The following RBM5 variants were observed in gnomAD, a reference collection of about 807,000 sequenced individuals.
RBM5 encodes RNA-binding protein 5.
A neutral mutation model predicts 124.6 loss-of-function variants in RBM5; 15 were observed. The observed-to-expected ratio is 0.12, with a 90% confidence interval of 0.08 to 0.19. The LOEUF is 0.19. Among genes scored for constraint, RBM5 ranks in the 10% least tolerant of loss-of-function variants. The probability of loss-of-function intolerance (pLI) is 1.00; values close to 1 mark genes in which losing one functional copy is unlikely to be tolerated. For missense variants in RBM5, 580 were observed against 1,026.5 expected (o/e 0.57, Z 5.94); for synonymous variants, 337 against 361.2 (o/e 0.93, Z 0.76).
chr3:50,111,574 C>T (rs2109013938), intron 17 of RBM5, among the ~76,000 whole-genome samples: 1 of 152,198 alleles, frequency 6.6e-6, no homozygotes. Flanking sequence ...AGGGTTTCAC[C>T]TTGTTTGCCA....
At position 50,105,074 on chromosome 3, in the gene RBM5, T is replaced by C. The variant is rs754142342; in HGVS notation, c.629-3T>C. The C allele has an allele frequency of 5.7e-6, 9 of 1,573,416 alleles. No individual in the cohort carries two copies. Among genetic ancestry groups the C allele is most frequent in the Non-Finnish European group, 7.0e-6 (8 of 1,143,938 alleles). ...TCTCTAATTGGATCACTTTCCCTTC[T>C]AGACTCTGAACAGGAAGTGCCTCCT... On this transcript the variant is annotated splice_polypyrimidine_tract_variant and splice_region_variant and intron_variant, in intron 8 of 24. Coordinates refer to ENST00000347869, the MANE Select transcript of RBM5 (RefSeq NM_005778.4).
At chr3:50,118,076 C>T (rs2091290696) in intron 24 of RBM5, 1 of 524,608 alleles carries the variant, frequency 1.9e-6, no homozygotes, top group Admixed American at 3.2e-5. Flanking sequence ...GGGGCCCTTT[C>T]CTAGGCGTGG....
intron 20 of RBM5, 51 bp from the exon 21 acceptor site, chr3:50,115,377 G>A (rs1463695451): frequency 2.5e-6 from 4 of 1,584,076 alleles, no homozygotes; most frequent in South Asian, 2.3e-5. Context: ...CATAGCCACC[G>A]CCATCTTCCT....
chr3:50,092,237 C>CA, intron 3 of RBM5, 29 bp downstream of exon 3: 1 of 1,604,228 alleles, frequency 6.2e-7, no homozygotes, highest in Non-Finnish European at 8.5e-7. Context: ...TATAACCCCC[C>CA]AAAACACTCT....
chr3:50,108,417 T>C (rs2091079464), intron 14 of RBM5, 113 bp downstream of exon 14: 5 of 1,112,800 alleles, frequency 4.5e-6, no homozygotes, highest in Non-Finnish European at 6.7e-6. Context: ...TGTAAGATTG[T>C]AGGGGGCATG....
At position 50,094,895 on chromosome 3, in the gene RBM5, C is replaced by T. The variant is rs555333642; in HGVS notation, c.339+1020C>T. Among the ~76,000 whole-genome samples, 55 of 152,204 alleles carry T rather than the reference C, an allele frequency of 3.6e-4. 1 individual carries two copies. Among genetic ancestry groups the T allele is most frequent in the Admixed American group, 3.3e-3 (50 of 15,262 alleles). On this transcript the variant is annotated intron_variant, in intron 4 of 24. Transcript: ENST00000347869. The stretch of plus-strand genomic sequence containing the variant: ...AGGGAAAAGTTCACTGAACTAGGTT[C>T]AGAAGTAAGTTACCATTTTGGCCAG...
chr3:50,113,359 T>A, intron 17 of RBM5, 24 bp from the exon 18 acceptor site: 1 of 1,590,320 alleles, frequency 6.3e-7, no homozygotes. Flanking sequence ...CTGCATTAAT[T>A]GTTTTTTGTT....
At chr3:50,103,357 G>A (rs1185852807) in intron 7 of RBM5, among the ~76,000 whole-genome samples, 191 bp downstream of exon 7, 2 of 152,188 alleles carry the variant, frequency 1.3e-5, no homozygotes, top group African/African-American at 4.8e-5. Flanking sequence ...TTATTAAGAT[G>A]CACGTTCTGC....
chr3:50,102,896 C>G, intron 6 of RBM5, 187 bp from the exon 7 acceptor site: 1 of 581,486 alleles, frequency 1.7e-6, no homozygotes, highest in Non-Finnish European at 3.1e-6. Flanking sequence ...ACCTTTACTC[C>G]GCATCCCATT....
In RBM5 at chr3:50,106,118, A is replaced by ATTTTTTT. The variant is rs61297967; in HGVS notation, c.855+437_855+443dup. On this transcript the variant is annotated intron_variant, in intron 10 of 24. Coordinates refer to ENST00000347869, the MANE Select transcript of RBM5 (RefSeq NM_005778.4). ...CAGGTGCCCGCCACCACGCCCAGCT[A>ATTTTTTT]TTTTTTTTTTTTTTTTTTTTTTTTT... is the stretch of plus-strand genomic sequence containing the variant. Among the ~76,000 whole-genome samples, 20 of 32,758 alleles carry ATTTTTTT rather than the reference A, an allele frequency of 6.1e-4. 1 individual carries two copies. The highest frequency in any genetic ancestry group is 1.2e-3 in the East Asian group (1 of 810). 21.5% of individuals were successfully genotyped at this position (32,758 alleles called of 152,430 possible).
At chr3:50,107,223 G>A (rs1225105391) in intron 11 of RBM5, 13 of 600,406 alleles carry the variant, frequency 2.2e-5, no homozygotes, top group African/African-American at 3.7e-5. Flanking sequence ...ACTCTAACAC[G>A]GTAAATTTCC....
intron 4 of RBM5, among the ~76,000 whole-genome samples, chr3:50,095,143 A>G (rs896655150): frequency 8.5e-5 from 13 of 152,122 alleles, no homozygotes; most frequent in Non-Finnish European, 1.8e-4. Context: ...GGAGTTTACA[A>G]TGAGCCAAGA....
At position 50,117,053 on chromosome 3, in the gene RBM5, A is replaced by G. The variant is rs2091266859; in HGVS notation, c.2095-21A>G. On this transcript the variant is annotated intron_variant, in intron 22 of 24. Coordinates refer to ENST00000347869, the MANE Select transcript of RBM5 (RefSeq NM_005778.4). The surrounding 1 kb of genome is among the most constrained non-coding windows in gnomAD (Gnocchi z 4.2). Reference sequence around the variant, plus strand: ...GTTGAAGTCTGTGAACATTTCCAGCAGTGTTTTTTCTCCCATGTAGATGAA... The same window carrying G: ...GTTGAAGTCTGTGAACATTTCCAGCGGTGTTTTTTCTCCCATGTAGATGAA... 9.4e-6 allele frequency: 15 copies of G among 1,600,586 alleles called. No homozygotes were observed. Among genetic ancestry groups the G allele is most frequent in the Non-Finnish European group, 1.3e-5 (15 of 1,167,850 alleles).
At position 50,104,324 on chromosome 3, in the gene RBM5, G is replaced by A; in HGVS notation, c.628+16G>A. On this transcript the variant is annotated intron_variant, in intron 8 of 24. Coordinates refer to ENST00000347869, the MANE Select transcript of RBM5 (RefSeq NM_005778.4). ...GACAAGTTTGGTAAGACTGGATTCA[G>A]CTGTTTGCAATATGCATTAAAACCT... The A allele has an allele frequency of 6.2e-7, 1 of 1,612,650 alleles. No individual in the cohort carries two copies. The highest frequency in any genetic ancestry group is 8.5e-7 in the Non-Finnish European group (1 of 1,178,686).
chr3:50,107,165 C>A, intron 11 of RBM5: 1 of 650,340 alleles, frequency 1.5e-6, no homozygotes, highest in Non-Finnish European at 2.8e-6. Context: ...AGAAATAACC[C>A]ATTCCTTCCA....
rs752032264 is a variant in RBM5 at position 50,108,268 on chromosome 3, G to A, written c.1156G>A (p.Ala386Thr). 1.2e-6 allele frequency: 2 copies of A among 1,613,544 alleles called. No individual in the cohort carries two copies. The highest frequency in any genetic ancestry group is 1.7e-5 in the Admixed American group (1 of 60,008). ...QDYQQFYQQQ[A>T]GGLESDASSA... ...TTATCAGCAGTTTTATCAACAACAA[G>A]CTGGAGGATTGGAATCTGATGCATC... is the stretch of plus-strand genomic sequence containing the variant. The change falls in exon 14 of 25, where the codon GCT becomes ACT. Residue 386 changes from alanine to threonine, a missense_variant. Physicochemically the swap from Ala to Thr is moderately conservative, Grantham distance 58 (BLOSUM62 0). Coordinates refer to ENST00000347869, the MANE Select transcript of RBM5 (RefSeq NM_005778.4).
rs767272700 is a variant in RBM5, at chr3:50,117,429, C to T, written c.2322+50C>T. ...TGTTTGCCAGGCTTACAGGCCGGTT[C>T]CAGAGATGAGATCAGAGCACTCATA... On this transcript the variant is annotated intron_variant, in intron 24 of 24. Coordinates refer to ENST00000347869, the MANE Select transcript of RBM5 (RefSeq NM_005778.4). The surrounding 1 kb of genome is among the most constrained non-coding windows in gnomAD (Gnocchi z 4.2). 1 of 1,607,624 alleles carries T rather than the reference C, an allele frequency of 6.2e-7. No individual in the cohort carries two copies.
chr3:50,118,206 C>T, intron 24 of RBM5, 125 bp from the exon 25 acceptor site: 1 of 1,309,564 alleles, frequency 7.6e-7, no homozygotes. Flanking sequence ...AAATCCTTGT[C>T]TTCATATACA....
rs1354400739 is a variant in RBM5, at chr3:50,109,706, T to C, written c.1278+18T>C. On this transcript the variant is annotated intron_variant, in intron 15 of 24. Coordinates refer to ENST00000347869, the MANE Select transcript of RBM5 (RefSeq NM_005778.4). The stretch of plus-strand genomic sequence containing the variant: ...GCTCTCCGGTAATCCTGTTGTCCTA[T>C]ATACAAAACTCGTGGCTGATGGGGA... 1 of 1,599,636 alleles carries C rather than the reference T, an allele frequency of 6.3e-7. No individual in the cohort carries two copies. The highest frequency in any genetic ancestry group is 1.1e-5 in the South Asian group (1 of 90,736).
Sources: gnomAD v4.1 joint callset for allele counts (sites outside exome capture counted in the v4.1 genomes callset) on GRCh38, gnomAD v4.1.1 for gene constraint, Gnocchi (gnomAD v3.1) non-coding constraint, MANE v1.5 for transcripts, NCBI Gene and HGNC (gene_info 2026-07-23, HGNC 2026-07-21) for gene names.